Variants in RBPJ observed in about 807,000 individuals in gnomAD.
RBPJ encodes recombination signal binding protein for immunoglobulin kappa J region, also known as recombining binding protein suppressor of hairless.
RBPJ carries 9 observed loss-of-function variants against 67.8 expected under a neutral mutation model. The ratio of observed to expected loss-of-function variants is 0.13; its 90% CI spans 0.08 to 0.23. The LOEUF (loss-of-function observed/expected upper bound fraction) is 0.23. RBPJ is among the 10% of genes least tolerant of loss of function. The probability of loss-of-function intolerance (pLI) is 1.00; values close to 1 mark genes in which losing one functional copy is unlikely to be tolerated. For missense variants in RBPJ, 305 were observed against 595.6 expected (o/e 0.51, Z 5.08); for synonymous variants, 198 against 203.3 (o/e 0.97, Z 0.22).
chr4:26,400,352 A>G (rs1732643488), intron 2 of RBPJ, among the ~76,000 whole-genome samples: 1 of 152,248 alleles, frequency 6.6e-6, no homozygotes, highest in Admixed American at 6.5e-5. Flanking sequence ...AAAGATAGTG[A>G]TGCTGCTACA....
At chr4:26,126,891 C>T in the RBPJ span, among the ~76,000 whole-genome samples, 2 of 152,214 alleles carry the variant, frequency 1.3e-5, no homozygotes, top group East Asian at 3.8e-4. Context: ...GCTGCCATTA[C>T]AGGAGAGTCT....
chr4:26,266,292 GA>G (rs1484943480), intron 1 of RBPJ, among the ~76,000 whole-genome samples: 2 of 152,046 alleles, frequency 1.3e-5, no homozygotes, highest in Non-Finnish European at 2.9e-5. Flanking sequence ...AGATTAATAA[GA>G]AAAAAGCACA....
rs1577516918 is a variant in RBPJ at position 26,359,460 on chromosome 4, AGCG to A, written c.21-26890_21-26888del. On this transcript the variant is annotated intron_variant, in intron 1 of 10. Transcript: ENST00000355476. ...ACATTTTGTTGTATTTACTTTATGG[AGCG>A]GCTGTGTGTCCAGTATGTCCGACCC... 2.3e-5 allele frequency among the ~76,000 whole-genome samples: 3 copies of A among 129,396 alleles called. No individual in the cohort carries two copies. The East Asian group carries it at 6.8e-4, about 29-fold the overall frequency. 84.9% of individuals were successfully genotyped at this position (129,396 alleles called of 152,430 possible). A position where few individuals can be genotyped will look rare whatever the true frequency, so the allele number is the denominator to read the frequency against.
intron 3 of RBPJ, among the ~76,000 whole-genome samples, chr4:26,414,214 A>T (rs1016930871): frequency 6.6e-6 from 1 of 152,144 alleles, no homozygotes; most frequent in Admixed American, 6.5e-5. Context: ...CTCTAACCCA[A>T]GCTGGAATGC....
intron 1 of RBPJ, among the ~76,000 whole-genome samples, chr4:26,288,678 T>C (rs1466771366): frequency 6.6e-6 from 1 of 152,230 alleles, no homozygotes; most frequent in Non-Finnish European, 1.5e-5. Context: ...TTCTTTAAAC[T>C]AGAGTGGCTC....
chr4:26,420,499 A>G (rs1735019969), intron 4 of RBPJ, 52 bp from the exon 5 acceptor site: 2 of 1,356,148 alleles, frequency 1.5e-6, no homozygotes, highest in Non-Finnish European at 2.0e-6. Context: ...TTTAGGTACT[A>G]CATAAACAAA....
intron 1 of RBPJ, among the ~76,000 whole-genome samples, chr4:26,244,161 ATATATATGTATACACATATATG>A (rs1719752061): frequency 8.7e-6 from 1 of 115,356 alleles, no homozygotes; most frequent in Non-Finnish European, 2.0e-5. Context: ...ATATATGTAT[ATATATATGTATACACATATATG>A]TATACATATA....
At chr4:26,329,894 C>CAA (rs532266121) in intron 1 of RBPJ, among the ~76,000 whole-genome samples, 2 of 115,216 alleles carry the variant, frequency 1.7e-5, no homozygotes, top group East Asian at 2.4e-4. Context: ...ACTCTGTCTC[C>CAA]AAAAAAAAAA....
chr4:26,183,494 A>G (rs1401243833), intron 1 of RBPJ, among the ~76,000 whole-genome samples: 1 of 152,226 alleles, frequency 6.6e-6, no homozygotes, highest in Non-Finnish European at 1.5e-5. Flanking sequence ...GTAGGGCCTG[A>G]CACTGGTGCA....
At chr4:26,143,286 T>A in the RBPJ span, among the ~76,000 whole-genome samples, 2 of 152,218 alleles carry the variant, frequency 1.3e-5, no homozygotes, top group Admixed American at 6.5e-5. Flanking sequence ...ATACACCTCA[T>A]CCCTCTTTCA....
chr4:26,429,807 A>T, intron 8 of RBPJ, 91 bp from the exon 9 acceptor site: 2 of 1,042,938 alleles, frequency 1.9e-6, no homozygotes, highest in East Asian at 5.1e-5. Context: ...TCTTCTTATT[A>T]ACTCTTGTCT....
chr4:26,258,253 A>G (rs1720409915), intron 1 of RBPJ, among the ~76,000 whole-genome samples: 2 of 152,114 alleles, frequency 1.3e-5, no homozygotes. Context: ...CTTGCTCACT[A>G]CCAATTGACT....
intron 1 of RBPJ, among the ~76,000 whole-genome samples, chr4:26,370,478 G>T (rs1729041836): frequency 6.6e-6 from 1 of 152,116 alleles, no homozygotes; most frequent in Non-Finnish European, 1.5e-5. Flanking sequence ...TCTGAACATG[G>T]TGTATCACAT....
the RBPJ span, chr4:26,113,160 T>C: frequency 8.6e-6 from 2 of 231,372 alleles, no homozygotes; most frequent in African/African-American, 4.5e-5. Flanking sequence ...CCCATGAATA[T>C]AAATTGAGTG....
At chr4:26,196,138 T>C (rs1213405170) in intron 1 of RBPJ, among the ~76,000 whole-genome samples, 2 of 152,200 alleles carry the variant, frequency 1.3e-5, no homozygotes, top group African/African-American at 4.8e-5. Flanking sequence ...TGAGTGGTCA[T>C]AGCAGCATCA....
At position 26,214,594 on chromosome 4, in the gene RBPJ, G is replaced by A. The variant is rs111203899; in HGVS notation, c.-167+50980G>A. Among the ~76,000 whole-genome samples, 245 of 130,118 alleles carry A rather than the reference G, an allele frequency of 1.9e-3. 3 individuals are homozygous for A. Among genetic ancestry groups the A allele is most frequent in the African/African-American group, 6.9e-3 (231 of 33,400 alleles). 85.4% of individuals were successfully genotyped at this position (130,118 alleles called of 152,430 possible). On this transcript the variant is annotated intron_variant, in intron 1 of 4. Transcript: ENST00000512351. ...GAGAAAAAGAAAGAAAGGAAGGAAGGGAGGAAACAGAGAGAGAATGAAAAA... is the reference window on the plus strand; with the variant it reads ...GAGAAAAAGAAAGAAAGGAAGGAAGAGAGGAAACAGAGAGAGAATGAAAAA...
intron 1 of RBPJ, among the ~76,000 whole-genome samples, chr4:26,349,687 A>G (rs1399282974): frequency 2.0e-5 from 3 of 152,222 alleles, no homozygotes; most frequent in Non-Finnish European, 2.9e-5. Context: ...ATCAAGTTTC[A>G]CAACACTTTT....
chr4:26,221,553 G>T (rs1017534645), intron 1 of RBPJ, among the ~76,000 whole-genome samples: 11 of 152,170 alleles, frequency 7.2e-5, no homozygotes, highest in Admixed American at 7.2e-4. Context: ...ACCAGCATAG[G>T]TATAGAATGA....
rs558979316 is a variant in RBPJ at position 26,206,577 on chromosome 4, G to A, written c.-167+42963G>A. Among the ~76,000 whole-genome samples, 4 of 152,200 alleles carry A rather than the reference G, an allele frequency of 2.6e-5. No homozygotes were observed. In the South Asian group the frequency reaches 8.3e-4, roughly 32 times the overall value. The stretch of plus-strand genomic sequence containing the variant: ...ACATAATTTTTTAACACCACAACCA[G>A]CATATTTCTGCAGGCAACAGCAGCC... On this transcript the variant is annotated intron_variant, in intron 1 of 4. Transcript: ENST00000512351.
Sources: allele counts gnomAD v4.1 joint callset (sites outside exome capture counted in the v4.1 genomes callset), GRCh38; gene constraint gnomAD v4.1.1; transcripts MANE v1.5; gene names NCBI Gene and HGNC (gene_info 2026-07-23, HGNC 2026-07-21).